Variants in SLC8A2 observed in about 807,000 individuals in gnomAD.
SLC8A2 encodes sodium/calcium exchanger 2.
Under a neutral mutation model 70.2 loss-of-function variants are expected in SLC8A2, and 14 were observed. The ratio of observed to expected loss-of-function variants is 0.20; its 90% confidence interval spans 0.13 to 0.31. The LOEUF is 0.31. Among genes scored for constraint, SLC8A2 ranks in the 10% least tolerant of loss-of-function variants. The pLI is 1.00. For synonymous variants in SLC8A2, 575 were observed against 594.3 expected (o/e 0.97, Z 0.47); for missense variants, 779 against 1,320.1 (o/e 0.59, Z 6.35).
chr19:47,466,293 G>T lies in SLC8A2; in HGVS notation c.111C>A (p.Asp37Glu). Residue 37 changes from aspartate to glutamate, a missense_variant, in exon 2 of 10, where the codon GAC becomes GAA. Transcript: ENST00000236877. This position sits in a 1 kb window ranked among gnomAD's most constrained non-coding sequence, Gnocchi z 6.9. Reference protein sequence around the residue: ...SLPPPPANDSDTSTGGCQGSY... With the variant: ...SLPPPPANDSETSTGGCQGSY... ...ACCCCTGGCAGCCCCCTGTGCTGGT[G>T]TCGCTGTCATTGGCCGGGGGAGGCG... 2 of 1,526,898 alleles carry T rather than the reference G, an allele frequency of 1.3e-6. No homozygotes were observed. Among genetic ancestry groups the T allele is most frequent in the Non-Finnish European group, 1.8e-6 (2 of 1,133,748 alleles). The allele number at this position is 1,526,898 out of a possible 1,614,324, so 94.6% of individuals were successfully genotyped here. A position where few individuals can be genotyped will look rare whatever the true frequency, so the allele number is the denominator to read the frequency against.
rs1031978239 is a variant in SLC8A2, at chr19:47,428,626, C to T, written c.*1463G>A. On this transcript the variant is annotated 3_prime_UTR_variant, in exon 10 of 10. Coordinates refer to ENST00000236877, the MANE Select transcript of SLC8A2 (RefSeq NM_015063.3). ...AATCTCAGTCAGAGACCTTATTAGC[C>T]CCCTCCTCCTGAATCCCAGCTTCCC... The T allele has an allele frequency of 2.6e-5, 4 of 152,526 alleles. No individual in the cohort carries two copies. The highest frequency in any genetic ancestry group is 9.7e-5 in the African/African-American group (4 of 41,382). 9.4% of individuals were successfully genotyped at this position (152,526 alleles called of 1,614,324 possible). A position where few individuals can be genotyped will look rare whatever the true frequency, so the allele number is the denominator to read the frequency against.
Position 47,430,262 on chromosome 19 carries a change from A to G in SLC8A2, c.2593T>C (p.Phe865Leu). The change falls in exon 10 of 10, where the codon TTC becomes CTC. Residue 865 changes from phenylalanine (F) to leucine (L), a missense_variant. By Grantham distance (22) the Phe-to-Leu change is conservative (BLOSUM62 0). Transcript: ENST00000236877. This position sits in a 1 kb window ranked among gnomAD's most constrained non-coding sequence, Gnocchi z 5.9. ...AGCACGGCAATGCCCACGAAGGCGA[A>G]GACGGTGAAGAGCGTGACGGAGAAG... ...LAFSVTLFTV[F>L]AFVGIAVLLY... 6.2e-7 allele frequency: 1 copy of G among 1,612,558 alleles called. No homozygotes were observed. Among genetic ancestry groups the G allele is most frequent in the Non-Finnish European group, 8.5e-7 (1 of 1,179,304 alleles).
intron 8 of SLC8A2, among the ~76,000 whole-genome samples, chr19:47,433,172 T>A (rs1192177166): frequency 3.9e-5 from 6 of 152,168 alleles, no homozygotes; most frequent in Non-Finnish European, 8.8e-5. Flanking sequence ...AAATTATTCA[T>A]TTTCCCAGAA....
rs1967172374 is a variant in SLC8A2, at chr19:47,447,076, T to A, written c.1763+733A>T. On this transcript the variant is annotated intron_variant, in intron 4 of 9. Transcript: ENST00000236877. This position sits in a 1 kb window ranked among gnomAD's most constrained non-coding sequence, Gnocchi z 5.1. ...AATCCTCGCCCAGATTCGCGTTAGG[T>A]GCCCCGCTATTTCCCCAGGTTCTTC... is the stretch of plus-strand genomic sequence containing the variant. Among the ~76,000 whole-genome samples the A allele has an allele frequency of 6.7e-6, 1 of 148,570 alleles. No individual in the cohort carries two copies. The highest frequency in any genetic ancestry group is 2.5e-5 in the African/African-American group (1 of 40,494).
At chr19:47,443,297 G>A (rs4802365) in intron 4 of SLC8A2, among the ~76,000 whole-genome samples, 82,661 of 151,994 alleles carry the variant, frequency 0.54, 25,899 homozygotes, top group Middle Eastern at 0.68. Flanking sequence ...TAACCAGGGG[G>A]TGGCAGGAAA....
At chr19:47,445,614 C>G (rs1251090359) in intron 4 of SLC8A2, among the ~76,000 whole-genome samples, 1 of 152,156 alleles carries the variant, frequency 6.6e-6, no homozygotes, top group East Asian at 1.9e-4. Flanking sequence ...TAGTGCCTGC[C>G]CATCAGAGGA....
chr19:47,429,688 G>C lies in SLC8A2; in HGVS notation c.*401C>G, dbSNP rs980320292. Reference sequence around the variant, plus strand: ...CTCTGGGACATGGGGTGAAGTGGGGGGGGGGTCACTAGGGGAAGGGAGACT... The same window carrying C: ...CTCTGGGACATGGGGTGAAGTGGGGCGGGGGTCACTAGGGGAAGGGAGACT... On this transcript the variant is annotated 3_prime_UTR_variant, in exon 10 of 10. Coordinates refer to ENST00000236877, the MANE Select transcript of SLC8A2 (RefSeq NM_015063.3). 3.0e-4 allele frequency: 59 copies of C among 199,592 alleles called. No individual in the cohort carries two copies. Among genetic ancestry groups the C allele is most frequent in the African/African-American group, 1.2e-3 (52 of 42,284 alleles). The allele number at this position is 199,592 out of a possible 1,614,324, so 12.4% of individuals were successfully genotyped here.
rs1967179284 is a variant in SLC8A2, at chr19:47,447,479, C to G, written c.1763+330G>C. ...GCCTCGCCTCTTCATTTCACAGTCA[C>G]AACCCCACCAGGCCCCGCCCACGTG... On this transcript the variant is annotated intron_variant, in intron 4 of 9. Transcript: ENST00000236877. The surrounding 1 kb of genome is among the most constrained non-coding windows in gnomAD (Gnocchi z 5.1). 3 of 396,240 alleles carry G rather than the reference C, an allele frequency of 7.6e-6. No homozygotes were observed. In the East Asian group the frequency reaches 1.6e-4, roughly 21 times the overall value. 24.5% of individuals were successfully genotyped at this position (396,240 alleles called of 1,614,324 possible). A position where few individuals can be genotyped will look rare whatever the true frequency, so the allele number is the denominator to read the frequency against.
At chr19:47,439,457 C>T (rs940353617) in intron 6 of SLC8A2, among the ~76,000 whole-genome samples, 4 of 151,528 alleles carry the variant, frequency 2.6e-5, no homozygotes, top group Admixed American at 6.6e-5. Flanking sequence ...TCTTGAACCC[C>T]GGGGGGTGGA....
At chr19:47,470,358 C>T (rs1599862814) in intron 1 of SLC8A2, among the ~76,000 whole-genome samples, 3 of 151,350 alleles carry the variant, frequency 2.0e-5, no homozygotes, top group African/African-American at 4.9e-5. Flanking sequence ...TACACACACA[C>T]ACACACACAC....
In SLC8A2 at chr19:47,469,939, G is replaced by T. The variant is rs114590805; in HGVS notation, c.-17+1850C>A. ...CTTAGGTCCTTGATCAGAAGAACAGGACTGCATGCCTGGGGGTGGGTGCAG... is the reference window on the plus strand; with the variant it reads ...CTTAGGTCCTTGATCAGAAGAACAGTACTGCATGCCTGGGGGTGGGTGCAG... On this transcript the variant is annotated intron_variant, in intron 1 of 9. Transcript: ENST00000236877. 2.1e-3 allele frequency among the ~76,000 whole-genome samples: 316 copies of T among 152,314 alleles called. 1 individual carries two copies. The highest frequency in any genetic ancestry group is 7.4e-3 in the African/African-American group (309 of 41,560).
At chr19:47,454,164 A>G (rs1489271995) in intron 3 of SLC8A2, among the ~76,000 whole-genome samples, 1 of 152,122 alleles carries the variant, frequency 6.6e-6, no homozygotes, top group Non-Finnish European at 1.5e-5. Context: ...ATAAAAAACA[A>G]TCTTGGTCCT....
intron 3 of SLC8A2, among the ~76,000 whole-genome samples, 153 bp downstream of exon 3, chr19:47,456,777 C>G (rs1967308149): frequency 6.6e-6 from 1 of 152,224 alleles, no homozygotes; most frequent in Admixed American, 6.5e-5. Context: ...CAGCGCCTGG[C>G]ACAAAGCAGG....
chr19:47,471,510 G>A (rs2122660163), intron 1 of SLC8A2, among the ~76,000 whole-genome samples: 1 of 150,884 alleles, frequency 6.6e-6, no homozygotes, highest in Middle Eastern at 3.4e-3. Context: ...GCGAGGGGGG[G>A]TGCCCCAGAC....
intron 3 of SLC8A2, 22 bp downstream of exon 3, chr19:47,456,907 AC>A (rs780002649): frequency 5.1e-6 from 8 of 1,559,700 alleles, no homozygotes; most frequent in Non-Finnish European, 3.5e-6. Context: ...CCCCCTGCAC[AC>A]CCCCCACCCC....
chr19:47,454,595 T>G (rs1001366953), intron 3 of SLC8A2, among the ~76,000 whole-genome samples: 1 of 151,888 alleles, frequency 6.6e-6, no homozygotes, highest in African/African-American at 2.4e-5. Flanking sequence ...GAGGCTGCAG[T>G]AAGCCAGGAA....
At position 47,457,450 on chromosome 19, in the gene SLC8A2, C is replaced by G; in HGVS notation, c.820G>C (p.Gly274Arg). Residue 274 changes from glycine to arginine, a missense_variant, in exon 3 of 10, where the codon GGC becomes CGC. Transcript: ENST00000236877. ...PRSGIIIGAEGDPPKSIELDG... is the reference protein window; with the variant it reads ...PRSGIIIGAERDPPKSIELDG... ...AGCTCGATGCTCTTCGGGGGGTCGCCCTCGGCGCCTATGATGATGCCGCTG... is the reference window on the plus strand; with the variant it reads ...AGCTCGATGCTCTTCGGGGGGTCGCGCTCGGCGCCTATGATGATGCCGCTG... 6.2e-7 allele frequency: 1 copy of G among 1,607,134 alleles called. No individual in the cohort carries two copies. The highest frequency in any genetic ancestry group is 8.5e-7 in the Non-Finnish European group (1 of 1,177,766).
In SLC8A2 at chr19:47,437,610, G is replaced by A. The variant is rs748231309; in HGVS notation, c.2011-49C>T. On this transcript the variant is annotated intron_variant, in intron 7 of 9. Coordinates refer to ENST00000236877, the MANE Select transcript of SLC8A2 (RefSeq NM_015063.3). ...AGGTCACTGCCCCTGAGCGAACCAG[G>A]GAAGCTCCATGTTGGGTCCTGGGTC... 1.3e-5 allele frequency: 19 copies of A among 1,463,634 alleles called. No individual in the cohort carries two copies. In the African/African-American group the frequency reaches 2.4e-4, roughly 18 times the overall value. 90.7% of individuals were successfully genotyped at this position (1,463,634 alleles called of 1,614,324 possible).
intron 9 of SLC8A2, among the ~76,000 whole-genome samples, chr19:47,431,563 C>T (rs891064511): frequency 2.0e-5 from 3 of 148,114 alleles, no homozygotes; most frequent in African/African-American, 4.9e-5. Context: ...ACAGAAGAAT[C>T]GCTTGAACCT....
Sources: allele counts gnomAD v4.1 joint callset (sites outside exome capture counted in the v4.1 genomes callset), GRCh38; gene constraint gnomAD v4.1.1; non-coding constraint Gnocchi (gnomAD v3.1); transcripts MANE v1.5; gene names NCBI Gene and HGNC (gene_info 2026-07-23, HGNC 2026-07-21).